Variants in TRIM32 observed in about 807,000 individuals in gnomAD.
TRIM32 encodes the protein tripartite motif containing 32.
TRIM32 carries 19 observed loss-of-function variants against 36.0 expected under a neutral mutation model. That is an observed-to-expected ratio of 0.53 (90% CI 0.37 to 0.77). The LOEUF is 0.77. TRIM32 is among the 30% of genes least tolerant of loss of function. TRIM32 has a pLI of 0.00. For synonymous variants in TRIM32, 309 were observed against 318.5 expected, an observed-to-expected ratio of 0.97 and a Z score of 0.32; for missense variants, 747 against 845.2, an observed-to-expected ratio of 0.88 and a Z score of 1.44.
intron 1 of TRIM32, among the ~76,000 whole-genome samples, chr9:116,695,726 C>T (rs1311226850): frequency 1.3e-5 from 2 of 152,106 alleles, no homozygotes; most frequent in Non-Finnish European, 2.9e-5. Flanking sequence ...CCTATTCATT[C>T]TGATTTGGGG....
At chr9:116,697,511 C>A (rs1860922752) in intron 1 of TRIM32, 151 bp from the exon 2 acceptor site, 2 of 548,962 alleles carry the variant, frequency 3.6e-6, no homozygotes, top group East Asian at 3.3e-5. Flanking sequence ...CTATCTGTCA[C>A]CCTCACGTGA....
intron 1 of TRIM32, among the ~76,000 whole-genome samples, chr9:116,697,015 T>A (rs57186221): frequency 0.011 from 1,668 of 151,564 alleles, 29 homozygotes; most frequent in African/African-American, 0.038. Context: ...AGTACCTTTA[T>A]CCTCATTCCT....
At chr9:116,693,449 G>A (rs756454902) in intron 1 of TRIM32, among the ~76,000 whole-genome samples, 9 of 152,210 alleles carry the variant, frequency 5.9e-5, no homozygotes, top group African/African-American at 1.4e-4. Flanking sequence ...ATATAATTAT[G>A]TAATTTTTCT....
chr9:116,699,899 A>T lies in TRIM32; in HGVS notation c.*195A>T, dbSNP rs555611773. On this transcript the variant is annotated 3_prime_UTR_variant, in exon 2 of 2. Transcript: ENST00000450136. The surrounding 1 kb of genome is among the most constrained non-coding windows in gnomAD (Gnocchi z 4.2). ...CTCCCCGCTTCCCACCTAAATTTAGAGCTTTAAAAGATGCACTGCCCAAAT... is the reference window on the plus strand; with the variant it reads ...CTCCCCGCTTCCCACCTAAATTTAGTGCTTTAAAAGATGCACTGCCCAAAT... 25 of 757,058 alleles carry T rather than the reference A, an allele frequency of 3.3e-5. 1 individual carries two copies. In the African/African-American group the frequency reaches 4.1e-4, roughly 12 times the overall value. The allele number at this position is 757,058 out of a possible 1,614,324, so 46.9% of individuals were successfully genotyped here.
intron 1 of TRIM32, among the ~76,000 whole-genome samples, chr9:116,692,954 C>T (rs1860646875): frequency 6.6e-6 from 1 of 152,106 alleles, no homozygotes; most frequent in Admixed American, 6.5e-5. Flanking sequence ...AATTCATTTA[C>T]CCATCAGTTT....
In TRIM32 at chr9:116,698,155, T is replaced by G. The variant is rs918796736; in HGVS notation, c.413T>G (p.Val138Gly). 4 of 1,614,114 alleles carry G rather than the reference T, an allele frequency of 2.5e-6. No individual in the cohort carries two copies. Among genetic ancestry groups the G allele is most frequent in the Non-Finnish European group, 3.4e-6 (4 of 1,180,022 alleles). Residue 138 changes from valine to glycine, a missense_variant, in exon 2 of 2, where the codon GTC becomes GGC. Physicochemically the swap from Val to Gly is moderately radical, Grantham distance 109. Transcript: ENST00000450136. This position sits in a 1 kb window ranked among gnomAD's most constrained non-coding sequence, Gnocchi z 4.4. ...CCTCCTGGCCACTGTACACTCCCTGTCAAAGAAGCAGCTGAGGAGCGGCGT... is the reference window on the plus strand; with the variant it reads ...CCTCCTGGCCACTGTACACTCCCTGGCAAAGAAGCAGCTGAGGAGCGGCGT... ...HQPPGHCTLP[V>G]KEAAEERRRD...
chr9:116,689,901 T>G (rs1288825409), intron 1 of TRIM32, among the ~76,000 whole-genome samples: 1 of 152,170 alleles, frequency 6.6e-6, no homozygotes, highest in Admixed American at 6.5e-5. Context: ...TAGCAGGGAC[T>G]GAGGCTGAAG....
At chr9:116,695,836 G>C (rs1237584141) in intron 1 of TRIM32, among the ~76,000 whole-genome samples, 1 of 152,152 alleles carries the variant, frequency 6.6e-6, no homozygotes, top group Non-Finnish European at 1.5e-5. Flanking sequence ...TTCATGGTTT[G>C]TATTGGGTGA....
rs1391830839 is a variant in TRIM32, at chr9:116,701,204, C to T, written c.*1500C>T. Reference sequence around the variant, plus strand: ...AAACAAAATTTGCTAAACTGAGCTGCTCAAAATTGTTTTTATGGTAGTAGT... The same window carrying T: ...AAACAAAATTTGCTAAACTGAGCTGTTCAAAATTGTTTTTATGGTAGTAGT... On this transcript the variant is annotated 3_prime_UTR_variant, in exon 2 of 2. Transcript: ENST00000450136. The T allele has an allele frequency of 2.4e-5, 4 of 167,058 alleles. No homozygotes were observed. Among genetic ancestry groups the T allele is most frequent in the Non-Finnish European group, 5.9e-5 (4 of 68,124 alleles). The allele number at this position is 167,058 out of a possible 1,614,324, so 10.3% of individuals were successfully genotyped here. A position where few individuals can be genotyped will look rare whatever the true frequency, so the allele number is the denominator to read the frequency against.
chr9:116,690,489 A>G (rs1222703315), intron 1 of TRIM32, among the ~76,000 whole-genome samples: 1 of 152,186 alleles, frequency 6.6e-6, no homozygotes, highest in East Asian at 1.9e-4. Flanking sequence ...AGAAGTTTAT[A>G]AGGCCCTTAA....
intron 1 of TRIM32, among the ~76,000 whole-genome samples, chr9:116,697,198 G>C (rs934332528): frequency 6.6e-6 from 1 of 152,106 alleles, no homozygotes; most frequent in East Asian, 1.9e-4. Flanking sequence ...TTTTCTCTTA[G>C]TGTAAATCAG....
intron 1 of TRIM32, among the ~76,000 whole-genome samples, chr9:116,687,831 G>C (rs977737475): frequency 1.3e-5 from 2 of 151,948 alleles, no homozygotes; most frequent in South Asian, 4.2e-4. Flanking sequence ...GCAAGGACAG[G>C]GTCTGAGATG....
chr9:116,698,625 G>T lies in TRIM32; in HGVS notation c.883G>T (p.Val295Phe), dbSNP rs1554732997. ...TGGCCCCCTCCAAATTGGACAAGCT[G>T]TTAAGAAGCCCCGGACAGTTAACGT... ...HVGPLQIGQA[V>F]KKPRTVNVED... is the part of the protein sequence containing the mutation. The change falls in exon 2 of 2, where the codon GTT becomes TTT. Residue 295 changes from valine (V) to phenylalanine (F), a missense_variant. Val to Phe is a conservative substitution (Grantham distance 50). Coordinates refer to ENST00000450136, the MANE Select transcript of TRIM32 (RefSeq NM_012210.4). This position sits in a 1 kb window ranked among gnomAD's most constrained non-coding sequence, Gnocchi z 4.4. 1 of 1,614,146 alleles carries T rather than the reference G, an allele frequency of 6.2e-7. No homozygotes were observed.
chr9:116,699,348 A>AAT lies in TRIM32; in HGVS notation c.1607_1608dup (p.Leu537IlefsTer20). 2 of 1,614,188 alleles carry AAT rather than the reference A, an allele frequency of 1.2e-6. No homozygotes were observed. Among genetic ancestry groups the AAT allele is most frequent in the Non-Finnish European group, 1.7e-6 (2 of 1,180,038 alleles). On this transcript the variant is annotated frameshift_variant, in exon 2 of 2. Coordinates refer to ENST00000450136, the MANE Select transcript of TRIM32 (RefSeq NM_012210.4). LOFTEE classifies it high-confidence loss of function. The surrounding 1 kb of genome is among the most constrained non-coding windows in gnomAD (Gnocchi z 4.2). ...CTACTTCACCCAGGGCTTAGGCCTC[A>AAT]ATCTGGAGAATCGGCAGAATGAGCA...
At chr9:116,688,404 CAG>C (rs893803908) in intron 1 of TRIM32, among the ~76,000 whole-genome samples, 11 of 151,928 alleles carry the variant, frequency 7.2e-5, no homozygotes, top group Admixed American at 2.6e-4. Flanking sequence ...GCATGGGAGA[CAG>C]AGGGAGTTCA....
rs1057202035 is a variant in TRIM32 at position 116,697,841 on chromosome 9, T to C, written c.99T>C (p.Arg33=). 2.0e-5 allele frequency: 32 copies of C among 1,614,054 alleles called. No individual in the cohort carries two copies. Among genetic ancestry groups the C allele is most frequent in the Non-Finnish European group, 2.7e-5 (32 of 1,180,040 alleles). Residue 33 remains arginine, a synonymous_variant, in exon 2 of 2, where the codon CGT becomes CGC. Transcript: ENST00000450136. Reference sequence around the variant, plus strand: ...AGTCCTTCACAGAAGAGCAGCTGCGTCCCAAGCTTCTGCACTGTGGCCATA... The same window carrying C: ...AGTCCTTCACAGAAGAGCAGCTGCGCCCCAAGCTTCTGCACTGTGGCCATA... ...CMESFTEEQL[R]PKLLHCGHTI...
chr9:116,697,500 C>G, intron 1 of TRIM32, 162 bp from the exon 2 acceptor site: 1 of 521,072 alleles, frequency 1.9e-6, no homozygotes, highest in Non-Finnish European at 3.4e-6. Flanking sequence ...GGTTTGTTTC[C>G]CTATCTGTCA....
Position 116,699,185 on chromosome 9 carries a change from C to T in TRIM32, c.1443C>T (p.Gly481=). The change falls in exon 2 of 2, where the codon GGC becomes GGT. Residue 481 remains glycine (G), a synonymous_variant. Transcript: ENST00000450136. This position sits in a 1 kb window ranked among gnomAD's most constrained non-coding sequence, Gnocchi z 4.2. ...GGGGTATCACAGCCTTGCCATCTGG[C>T]CAGTTTGTAGTAACCGATGTGGAAG... ...KPWGITALPS[G]QFVVTDVEGG... is the part of the protein sequence containing the mutation. The T allele has an allele frequency of 6.2e-7, 1 of 1,614,232 alleles. No homozygotes were observed.
chr9:116,700,131 A>C lies in TRIM32; in HGVS notation c.*427A>C. ...CTTCATCTGTGACACTTTCTCTTGAACTCTGATTGGATTCACTGTGCATGC... is the reference window on the plus strand; with the variant it reads ...CTTCATCTGTGACACTTTCTCTTGACCTCTGATTGGATTCACTGTGCATGC... On this transcript the variant is annotated 3_prime_UTR_variant, in exon 2 of 2. Transcript: ENST00000450136. The C allele has an allele frequency of 4.1e-6, 1 of 245,070 alleles. No homozygotes were observed. The allele number at this position is 245,070 out of a possible 1,614,324, so 15.2% of individuals were successfully genotyped here.
Sources: allele counts gnomAD v4.1 joint callset (sites outside exome capture counted in the v4.1 genomes callset), GRCh38; gene constraint gnomAD v4.1.1; non-coding constraint Gnocchi (gnomAD v3.1); transcripts MANE v1.5; gene names NCBI Gene and HGNC (gene_info 2026-07-23, HGNC 2026-07-21).